GSAP: variants seen among roughly 807,000 people sequenced by gnomAD.
GSAP encodes gamma-secretase-activating protein.
Under a neutral mutation model 131.7 loss-of-function variants are expected in GSAP, and 118 were observed. That is an observed-to-expected ratio of 0.90 (90% CI 0.77 to 1.04). The LOEUF (loss-of-function observed/expected upper bound fraction) is 1.04, where lower values mean the gene tolerates loss of function less well. Ranked by LOEUF, GSAP falls within the 50% of genes least tolerant of loss-of-function variation. GSAP has a pLI of 0.00. For missense variants in GSAP, 1,019 were observed against 1,013.2 expected (o/e 1.01, Z -0.08); for synonymous variants, 381 against 363.4 (o/e 1.05, Z -0.55).
chr7:77,383,318 T>TCACACACA (rs10539947), intron 6 of GSAP, among the ~76,000 whole-genome samples: 2 of 150,198 alleles, frequency 1.3e-5, no homozygotes, highest in Middle Eastern at 3.2e-3. Flanking sequence ...ATGTTCTATT[T>TCACACACA]CACACACACA....
intron 5 of GSAP, among the ~76,000 whole-genome samples, chr7:77,395,426 A>G (rs1294165838): frequency 3.9e-5 from 6 of 152,128 alleles, no homozygotes; most frequent in African/African-American, 1.4e-4. Context: ...GGGTCAGAAC[A>G]CTAATGTCCC....
intron 19 of GSAP, among the ~76,000 whole-genome samples, chr7:77,342,521 T>G (rs1212396573): frequency 6.8e-6 from 1 of 148,002 alleles, no homozygotes; most frequent in South Asian, 2.1e-4. Flanking sequence ...ACACTCTCAT[T>G]CTGCCCTTTT....
chr7:77,402,870 G>A (rs967200565), intron 3 of GSAP, among the ~76,000 whole-genome samples: 5 of 152,104 alleles, frequency 3.3e-5, no homozygotes, highest in African/African-American at 1.2e-4. Flanking sequence ...TCACATTTTG[G>A]AATTCAAAGC....
chr7:77,393,741 T>C (rs1799939510), intron 5 of GSAP, among the ~76,000 whole-genome samples: 1 of 151,394 alleles, frequency 6.6e-6, no homozygotes, highest in Non-Finnish European at 1.5e-5. Context: ...TGGCACGATC[T>C]CTGCTCACGG....
At chr7:77,358,068 C>T (rs1035080818) in intron 14 of GSAP, among the ~76,000 whole-genome samples, 1 of 152,164 alleles carries the variant, frequency 6.6e-6, no homozygotes, top group African/African-American at 2.4e-5. Flanking sequence ...TGGCTGGGCA[C>T]GGTGGCTCAC....
At position 77,335,061 on chromosome 7, in the gene GSAP, C is replaced by T. The variant is rs144653693; in HGVS notation, c.1546-4694G>A. ...TCGCGCCACTGCACTCCAGCCTGGG[C>T]GACAGAGCAAGACTCCGTCTCAATT... is the stretch of plus-strand genomic sequence containing the variant. On this transcript the variant is annotated intron_variant, in intron 19 of 30. Coordinates refer to ENST00000257626, the MANE Select transcript of GSAP (RefSeq NM_017439.4). 1.8e-3 allele frequency among the ~76,000 whole-genome samples: 273 copies of T among 148,496 alleles called. 4 individuals carry two copies. The East Asian group carries it at 0.02, about 11-fold the overall frequency.
chr7:77,381,694 G>C (rs571918525), intron 7 of GSAP, among the ~76,000 whole-genome samples: 2 of 151,812 alleles, frequency 1.3e-5, no homozygotes, highest in African/African-American at 4.8e-5. Context: ...GGCTAACAAG[G>C]GCTTACTTAG....
At position 77,311,870 on chromosome 7, in the gene GSAP, A is replaced by C. The variant is rs1794404430; in HGVS notation, c.2444T>G (p.Ile815Ser). ...EFLPLNYFIEILTDIESSNQA... is the reference protein window; with the variant it reads ...EFLPLNYFIESLTDIESSNQA... The stretch of plus-strand genomic sequence containing the variant: ...ATTGGAGGACTCTATATCTGTCAGA[A>C]TTTCAATGAAGTAGTTCAGAGGCAG... Residue 815 changes from isoleucine (I) to serine (S), a missense_variant, in exon 30 of 31, where the codon ATT becomes AGT. Ile to Ser is a moderately radical substitution (Grantham distance 142, BLOSUM62 -2). Transcript: ENST00000257626. 6.3e-7 allele frequency: 1 copy of C among 1,579,294 alleles called. No homozygotes were observed. The highest frequency in any genetic ancestry group is 1.3e-5 in the African/African-American group (1 of 74,228).
At chr7:77,368,969 C>T (rs2286159) in intron 12 of GSAP, among the ~76,000 whole-genome samples, 10,846 of 152,158 alleles carry the variant, frequency 0.071, 695 homozygotes, top group East Asian at 0.29. Context: ...AATATCTCAA[C>T]GTTGGCTAGC....
At position 77,413,869 on chromosome 7, in the gene GSAP, CT is replaced by C. The variant is rs1803781180; in HGVS notation, c.109+2343del. ...TTTTACTTCGGTGGTTTTTTTCTTT[CT>C]TTTATCATTTACAGCTACCTGTTAA... On this transcript the variant is annotated intron_variant, in intron 1 of 30. Coordinates refer to ENST00000257626, the MANE Select transcript of GSAP (RefSeq NM_017439.4). Among the ~76,000 whole-genome samples the C allele has an allele frequency of 2.3e-5, 3 of 129,320 alleles. No homozygotes were observed. The South Asian group carries it at 7.6e-4, about 33-fold the overall frequency. 84.8% of individuals were successfully genotyped at this position (129,320 alleles called of 152,430 possible).
chr7:77,362,352 T>A (rs567816865), intron 13 of GSAP, among the ~76,000 whole-genome samples: 46 of 152,238 alleles, frequency 3.0e-4, no homozygotes, highest in South Asian at 6.2e-4. Flanking sequence ...CTAGGCATGA[T>A]GGCACACGCC....
intron 19 of GSAP, among the ~76,000 whole-genome samples, chr7:77,343,404 C>T (rs1791309484): frequency 1.3e-5 from 2 of 152,166 alleles, no homozygotes; most frequent in South Asian, 2.1e-4. Flanking sequence ...TCTAAATATG[C>T]CTTCCATATC....
At chr7:77,415,082 T>C (rs1481651337) in intron 1 of GSAP, among the ~76,000 whole-genome samples, 1 of 152,136 alleles carries the variant, frequency 6.6e-6, no homozygotes, top group Non-Finnish European at 1.5e-5. Flanking sequence ...AGTAAAGCCT[T>C]ACTAAGCATG....
At chr7:77,416,433 C>T (rs1804489158), upstream of GSAP, 1 of 525,300 alleles carries the variant, frequency 1.9e-6, no homozygotes, top group African/African-American at 2.0e-5. Context: ...TTCCTCTCCC[C>T]CGCCCCCTGC....
At chr7:77,376,186 G>A (rs1244074032) in intron 10 of GSAP, among the ~76,000 whole-genome samples, 3 of 151,964 alleles carry the variant, frequency 2.0e-5, no homozygotes, top group Non-Finnish European at 4.4e-5. Context: ...TTATTAGGTT[G>A]GTGCAAAAGT....
intron 2 of GSAP, 102 bp downstream of exon 2, chr7:77,405,927 C>T (rs1384545831): frequency 3.0e-5 from 12 of 405,720 alleles, no homozygotes; most frequent in Non-Finnish European, 4.0e-6. Context: ...TATTCATTAC[C>T]CTTCAATAAG....
At chr7:77,336,276 C>T (rs1789960048) in intron 19 of GSAP, among the ~76,000 whole-genome samples, 1 of 152,172 alleles carries the variant, frequency 6.6e-6, no homozygotes. Flanking sequence ...AGCTCTTTCC[C>T]TCCTCTCAGT....
chr7:77,377,707 G>A (rs1231925372), intron 8 of GSAP, among the ~76,000 whole-genome samples: 1 of 152,076 alleles, frequency 6.6e-6, no homozygotes, highest in African/African-American at 2.4e-5. Flanking sequence ...TAGAAGATTC[G>A]GAACTTACTG....
chr7:77,370,321 C>T (rs938675816), intron 12 of GSAP, among the ~76,000 whole-genome samples: 4 of 152,236 alleles, frequency 2.6e-5, no homozygotes, highest in Admixed American at 6.5e-5. Context: ...ATTAGCCAGG[C>T]ATGGTGATGT....
Sources: allele counts gnomAD v4.1 joint callset (sites outside exome capture counted in the v4.1 genomes callset), GRCh38; gene constraint gnomAD v4.1.1; transcripts MANE v1.5; gene names NCBI Gene and HGNC (gene_info 2026-07-23, HGNC 2026-07-21).